The following IRS1 variants were observed in gnomAD, a reference collection of about 807,000 sequenced individuals.
IRS1 encodes insulin receptor substrate 1.
In IRS1, 34 loss-of-function variants were observed where a neutral mutation model predicts 65.6. That is an observed-to-expected ratio of 0.52 (90% CI 0.39 to 0.69). The LOEUF is 0.69. IRS1 is among the 30% of genes least tolerant of loss of function. The pLI is 0.00. For synonymous variants in IRS1, 699 were observed against 683.5 expected (o/e 1.02, Z -0.35); for missense variants, 1,641 against 1,720.2 (o/e 0.95, Z 0.81).
At chr2:226,783,891 T>G (rs181556865) in intron 1 of IRS1, among the ~76,000 whole-genome samples, 1 of 152,272 alleles carries the variant, frequency 6.6e-6, no homozygotes, top group Admixed American at 6.5e-5. Flanking sequence ...CTGCTCTTGC[T>G]GCTGGGAACC....
At chr2:226,780,052 G>A (rs190531821) in intron 1 of IRS1, among the ~76,000 whole-genome samples, 2 of 152,288 alleles carry the variant, frequency 1.3e-5, no homozygotes, top group East Asian at 3.9e-4. Flanking sequence ...GACACATCAG[G>A]AGGGAAATCT....
chr2:226,790,113 C>T (rs1189339269), intron 1 of IRS1, among the ~76,000 whole-genome samples: 1 of 152,284 alleles, frequency 6.6e-6, no homozygotes, highest in Non-Finnish European at 1.5e-5. Context: ...CACAACATTC[C>T]TATGTTTAGA....
At chr2:226,748,958 T>C (rs1938614624) in intron 1 of IRS1, among the ~76,000 whole-genome samples, 1 of 152,124 alleles carries the variant, frequency 6.6e-6, no homozygotes, top group Non-Finnish European at 1.5e-5. Flanking sequence ...TCCTTAAATA[T>C]AGCAAAAGGA....
intron 1 of IRS1, among the ~76,000 whole-genome samples, chr2:226,750,465 A>G (rs916727924): frequency 2.0e-5 from 3 of 152,160 alleles, no homozygotes; most frequent in South Asian, 4.1e-4. Flanking sequence ...TTAGCTGCCA[A>G]ATCACTAAAT....
chr2:226,799,343 C>G lies in IRS1; in HGVS notation c.-605G>C, dbSNP rs1939840685. The stretch of plus-strand genomic sequence containing the variant: ...CAAATACCAGCTCAGTCGCAGAGAC[C>G]GCGGCGCTGCGGCTGTTGCTGTTGC... On this transcript the variant is annotated 5_prime_UTR_variant, in exon 1 of 2. Coordinates refer to ENST00000305123, the MANE Select transcript of IRS1 (RefSeq NM_005544.3). This position sits in a 1 kb window ranked among gnomAD's most constrained non-coding sequence, Gnocchi z 6.1. The G allele has an allele frequency of 2.2e-5, 28 of 1,251,290 alleles. No homozygotes were observed. The South Asian group carries it at 3.5e-4, about 16-fold the overall frequency. 77.5% of individuals were successfully genotyped at this position (1,251,290 alleles called of 1,614,324 possible).
intron 1 of IRS1, among the ~76,000 whole-genome samples, chr2:226,766,107 G>T: frequency 1.1e-5 from 1 of 90,302 alleles, no homozygotes; most frequent in South Asian, 4.3e-4. Flanking sequence ...TTTTCCCAAG[G>T]CCCTCTCTTA....
intron 1 of IRS1, among the ~76,000 whole-genome samples, chr2:226,766,155 A>ATTTTTTTT (rs1247603503): frequency 3.6e-4 from 2 of 5,510 alleles, no homozygotes; most frequent in Non-Finnish European, 8.0e-4. Context: ...ATATATATAT[A>ATTTTTTTT]TATATATATT....
At chr2:226,751,559 A>G (rs746971169) in intron 1 of IRS1, among the ~76,000 whole-genome samples, 1 of 152,086 alleles carries the variant, frequency 6.6e-6, no homozygotes, top group Non-Finnish European at 1.5e-5. Context: ...CTGGCATTAC[A>G]GGCGTGAGCC....
At chr2:226,744,924 G>A (rs1208704772) in intron 1 of IRS1, among the ~76,000 whole-genome samples, 2 of 151,890 alleles carry the variant, frequency 1.3e-5, no homozygotes, top group Admixed American at 6.6e-5. Flanking sequence ...GGGATTCTTT[G>A]AAGCGAACTG....
intron 1 of IRS1, among the ~76,000 whole-genome samples, chr2:226,737,961 G>A (rs1938362378): frequency 6.6e-6 from 1 of 152,204 alleles, no homozygotes; most frequent in African/African-American, 2.4e-5. Flanking sequence ...TGAGATGGTA[G>A]CCGTGAGCAG....
At chr2:226,773,657 T>C (rs953209522) in intron 1 of IRS1, among the ~76,000 whole-genome samples, 8 of 151,942 alleles carry the variant, frequency 5.3e-5, no homozygotes, top group African/African-American at 1.9e-4. Context: ...CTGTAGAGCA[T>C]ACCTGGGATT....
chr2:226,785,498 G>C (rs1939468585), intron 1 of IRS1, among the ~76,000 whole-genome samples: 1 of 152,202 alleles, frequency 6.6e-6, no homozygotes. Flanking sequence ...AACTACTCAG[G>C]AGGATGAGGC....
chr2:226,754,373 A>G (rs756872480), intron 1 of IRS1, among the ~76,000 whole-genome samples: 8 of 152,220 alleles, frequency 5.3e-5, no homozygotes, highest in Non-Finnish European at 1.2e-4. Context: ...ACAGTAATTT[A>G]GAATCTCCAA....
intron 1 of IRS1, among the ~76,000 whole-genome samples, chr2:226,745,137 A>G (rs557269188): frequency 6.6e-6 from 1 of 152,364 alleles, no homozygotes; most frequent in South Asian, 2.1e-4. Flanking sequence ...TAATTCTTCA[A>G]CAAAAGTCAA....
At chr2:226,756,003 C>T (rs1938793809) in intron 1 of IRS1, among the ~76,000 whole-genome samples, 1 of 152,148 alleles carries the variant, frequency 6.6e-6, no homozygotes, top group South Asian at 2.1e-4. Flanking sequence ...AAACACAATG[C>T]CCATTCACAG....
At chr2:226,784,398 T>G (rs989433985) in intron 1 of IRS1, among the ~76,000 whole-genome samples, 9 of 151,120 alleles carry the variant, frequency 6.0e-5, no homozygotes, top group Non-Finnish European at 1.3e-4. Context: ...AATTCAAATG[T>G]TTTTTTTTAA....
At chr2:226,739,613 C>T (rs1310791322) in intron 1 of IRS1, among the ~76,000 whole-genome samples, 4 of 152,140 alleles carry the variant, frequency 2.6e-5, no homozygotes, top group Non-Finnish European at 4.4e-5. Flanking sequence ...GTTCCGAAAC[C>T]GAAGTTCCAA....
At chr2:226,754,020 T>C (rs926046186) in intron 1 of IRS1, among the ~76,000 whole-genome samples, 10 of 152,110 alleles carry the variant, frequency 6.6e-5, no homozygotes, top group Admixed American at 5.2e-4. Context: ...GCCTGCCTAA[T>C]TATTTTTATT....
At chr2:226,736,567 C>T (rs1047111280) in intron 1 of IRS1, among the ~76,000 whole-genome samples, 1 of 152,118 alleles carries the variant, frequency 6.6e-6, no homozygotes, top group African/African-American at 2.4e-5. Context: ...CAAAAACATA[C>T]ATCATTAGTT....
Sources: gnomAD v4.1 joint callset for allele counts (sites outside exome capture counted in the v4.1 genomes callset) on GRCh38, gnomAD v4.1.1 for gene constraint, Gnocchi (gnomAD v3.1) non-coding constraint, MANE v1.5 for transcripts, NCBI Gene and HGNC (gene_info 2026-07-23, HGNC 2026-07-21) for gene names.